The following SLC2A13 variants were observed in gnomAD, a reference collection of about 807,000 sequenced individuals.
SLC2A13 encodes solute carrier family 2 member 13, also known as proton myo-inositol cotransporter.
SLC2A13 carries 32 observed loss-of-function variants against 64.4 expected under a neutral mutation model. That is an observed-to-expected ratio of 0.50 (90% confidence interval 0.37 to 0.67). The LOEUF (loss-of-function observed/expected upper bound fraction) is 0.67, where lower values mean the gene tolerates loss of function less well. Among genes scored for constraint, SLC2A13 ranks in the 30% least tolerant of loss-of-function variants. The pLI is 0.00. For missense variants in SLC2A13, 743 were observed against 829.2 expected (o/e 0.90, Z 1.28); for synonymous variants, 338 against 327.1 (o/e 1.03, Z -0.36).
intron 7 of SLC2A13, among the ~76,000 whole-genome samples, chr12:39,780,704 A>G (rs918475259): frequency 1.3e-5 from 2 of 152,228 alleles, no homozygotes; most frequent in Non-Finnish European, 2.9e-5. Context: ...AACACTACAA[A>G]TGTATTACAA....
At chr12:39,928,057 T>A (rs893629186) in intron 4 of SLC2A13, among the ~76,000 whole-genome samples, 3 of 152,222 alleles carry the variant, frequency 2.0e-5, no homozygotes, top group Non-Finnish European at 2.9e-5. Flanking sequence ...AGTCCTGATA[T>A]ATATTTAAGA....
At chr12:39,991,144 T>A (rs527485020) in intron 3 of SLC2A13, among the ~76,000 whole-genome samples, 2 of 152,348 alleles carry the variant, frequency 1.3e-5, no homozygotes, top group South Asian at 4.1e-4. Flanking sequence ...ACTGTGTTTT[T>A]CTCTACTTAC....
chr12:39,843,399 C>G (rs2135878918), intron 6 of SLC2A13, among the ~76,000 whole-genome samples: 1 of 152,086 alleles, frequency 6.6e-6, no homozygotes, highest in East Asian at 1.9e-4. Flanking sequence ...AGTGATCCAG[C>G]CAGCAGAATG....
chr12:40,084,483 G>A (rs934785428), intron 1 of SLC2A13, among the ~76,000 whole-genome samples: 23 of 152,138 alleles, frequency 1.5e-4, no homozygotes, highest in South Asian at 4.1e-4. Context: ...GCTTACTCAC[G>A]GGGCTGGCTC....
intron 4 of SLC2A13, among the ~76,000 whole-genome samples, chr12:39,936,359 C>T (rs996769292): frequency 7.9e-5 from 12 of 152,098 alleles, no homozygotes; most frequent in Non-Finnish European, 1.8e-4. Flanking sequence ...TGACCAGATA[C>T]AAGCAAGAGA....
chr12:39,841,477 A>C (rs547263767), intron 6 of SLC2A13, among the ~76,000 whole-genome samples: 1 of 152,280 alleles, frequency 6.6e-6, no homozygotes, highest in African/African-American at 2.4e-5. Context: ...TGTTACACTG[A>C]ATGAATGTTT....
chr12:39,833,640 T>C (rs765947127), intron 6 of SLC2A13, among the ~76,000 whole-genome samples: 3 of 152,106 alleles, frequency 2.0e-5, no homozygotes, highest in Non-Finnish European at 4.4e-5. Flanking sequence ...GGCATATTGA[T>C]ACAAATACAC....
chr12:39,861,080 G>A (rs972176347), intron 6 of SLC2A13, among the ~76,000 whole-genome samples: 25 of 152,214 alleles, frequency 1.6e-4, no homozygotes, highest in African/African-American at 5.5e-4. Context: ...CACTTGCCAC[G>A]TTCCTTACTG....
chr12:39,922,527 G>A (rs985645413), intron 4 of SLC2A13, among the ~76,000 whole-genome samples: 1 of 152,182 alleles, frequency 6.6e-6, no homozygotes, highest in Non-Finnish European at 1.5e-5. Context: ...GTGACATGAA[G>A]GATAAACAGC....
chr12:39,764,627 A>AT lies in SLC2A13; in HGVS notation c.1568-16dup. 6.3e-7 allele frequency: 1 copy of AT among 1,581,450 alleles called. No homozygotes were observed. ...TGGTCCCATTCCTGAGAAATAAAAC[A>AT]TTAAAAACTTTAGTAAAATAGCATG... is the stretch of plus-strand genomic sequence containing the variant. On this transcript the variant is annotated splice_polypyrimidine_tract_variant and intron_variant, in intron 8 of 9. Coordinates refer to ENST00000280871, the MANE Select transcript of SLC2A13 (RefSeq NM_052885.4).
rs869233274 is a variant in SLC2A13, at chr12:39,855,585, GTTGT to G, written c.1319+9173_1319+9176del. 2.6e-4 allele frequency among the ~76,000 whole-genome samples: 40 copies of G among 152,106 alleles called. 1 individual carries two copies. Among genetic ancestry groups the G allele is most frequent in the African/African-American group, 1.9e-4 (8 of 41,496 alleles). ...GAGGAGGAAGGCTGTTTTTTTTGTT[GTTGT>G]TTGTTTGTTTTTAAATCTCAATACC... On this transcript the variant is annotated intron_variant, in intron 6 of 9. Transcript: ENST00000280871.
chr12:39,784,151 A>G (rs933121686), intron 7 of SLC2A13, among the ~76,000 whole-genome samples: 1 of 152,194 alleles, frequency 6.6e-6, no homozygotes, highest in Non-Finnish European at 1.5e-5. Flanking sequence ...TATACTGCCC[A>G]AGGTAATTTA....
chr12:40,061,306 T>C (rs1317724501), intron 1 of SLC2A13, among the ~76,000 whole-genome samples: 1 of 152,088 alleles, frequency 6.6e-6, no homozygotes, highest in African/African-American at 2.4e-5. Flanking sequence ...ATTTATACTT[T>C]AGTCTTGTGC....
intron 7 of SLC2A13, among the ~76,000 whole-genome samples, chr12:39,824,275 G>A (rs1942604757): frequency 6.6e-6 from 1 of 152,178 alleles, no homozygotes; most frequent in Admixed American, 6.5e-5. Context: ...TTCTTCCAAT[G>A]TGGTCTGATT....
chr12:40,066,657 T>C (rs547563361), intron 1 of SLC2A13, among the ~76,000 whole-genome samples: 2 of 152,246 alleles, frequency 1.3e-5, no homozygotes, highest in South Asian at 4.1e-4. Context: ...TAAAAACACA[T>C]AATTATGATG....
chr12:39,906,285 A>C (rs974029051), intron 4 of SLC2A13, among the ~76,000 whole-genome samples: 3 of 152,158 alleles, frequency 2.0e-5, no homozygotes, highest in Non-Finnish European at 4.4e-5. Flanking sequence ...ATTATTACCA[A>C]ATCACTGTGT....
At chr12:39,899,831 C>A (rs1945035644) in intron 4 of SLC2A13, among the ~76,000 whole-genome samples, 1 of 152,112 alleles carries the variant, frequency 6.6e-6, no homozygotes, top group Admixed American at 6.6e-5. Flanking sequence ...TTTGATTGCA[C>A]TGTGGTCTGA....
At chr12:40,067,010 T>C (rs748146116) in intron 1 of SLC2A13, among the ~76,000 whole-genome samples, 10 of 152,186 alleles carry the variant, frequency 6.6e-5, no homozygotes, top group Non-Finnish European at 1.2e-4. Flanking sequence ...CATGTTTGAA[T>C]TTCAATAACG....
chr12:39,813,024 T>TTTTTTTTTTTTTA lies in SLC2A13; in HGVS notation c.1445+17078_1445+17079insTAAAAAAAAAAAA, dbSNP rs60326584. Among the ~76,000 whole-genome samples, 6 of 134,980 alleles carry TTTTTTTTTTTTTA rather than the reference T, an allele frequency of 4.4e-5. 1 individual carries two copies. In the East Asian group the frequency reaches 1.3e-3, roughly 30 times the overall value. 88.6% of individuals were successfully genotyped at this position (134,980 alleles called of 152,430 possible). On this transcript the variant is annotated intron_variant, in intron 7 of 9. Coordinates refer to ENST00000280871, the MANE Select transcript of SLC2A13 (RefSeq NM_052885.4). ...TTTTTTTTTTTTTTTTTTTTTTTTT[T>TTTTTTTTTTTTTA]AGTAGAGATGGGGTTTCACCATGTT... is the stretch of plus-strand genomic sequence containing the variant.
Sources: gnomAD v4.1 joint callset for allele counts (sites outside exome capture counted in the v4.1 genomes callset) on GRCh38, gnomAD v4.1.1 for gene constraint, MANE v1.5 for transcripts, NCBI Gene and HGNC (gene_info 2026-07-23, HGNC 2026-07-21) for gene names.